Variants in SPTBN1 observed in about 807,000 individuals in gnomAD.
SPTBN1 encodes the protein spectrin beta, non-erythrocytic 1, also known as spectrin beta chain, non-erythrocytic 1.
In SPTBN1, 32 loss-of-function variants were observed where a neutral mutation model predicts 266.4. The ratio of observed to expected loss-of-function variants is 0.12; its 90% CI spans 0.09 to 0.16. SPTBN1 has a LOEUF of 0.16. Among genes scored for constraint, SPTBN1 ranks in the 10% least tolerant of loss-of-function variants. The pLI is 1.00. For missense variants in SPTBN1, 2,296 were observed against 3,067.1 expected (o/e 0.75, Z 5.94); for synonymous variants, 1,336 against 1,162.2 (o/e 1.15, Z -3.04).
chr2:54,585,689 G>C (rs1290659576), intron 2 of SPTBN1, among the ~76,000 whole-genome samples: 1 of 152,214 alleles, frequency 6.6e-6, no homozygotes, highest in Non-Finnish European at 1.5e-5. Context: ...CATGGAGTCA[G>C]AAATTACTCC....
rs906620331 is a variant in SPTBN1 at position 54,533,924 on chromosome 2, ACACG to A, written c.148+7370_148+7373del. ...CTCACACACACACACACACACACAC[ACACG>A]CACGCACGCACACAAACACACACAC... On this transcript the variant is annotated intron_variant, in intron 2 of 35. Transcript: ENST00000356805. This position sits in a 1 kb window ranked among gnomAD's most constrained non-coding sequence, Gnocchi z 4.2. 5.9e-4 allele frequency among the ~76,000 whole-genome samples: 62 copies of A among 104,934 alleles called. No homozygotes were observed. Among genetic ancestry groups the A allele is most frequent in the Middle Eastern group, 9.2e-3 (2 of 218 alleles). 68.8% of individuals were successfully genotyped at this position (104,934 alleles called of 152,430 possible).
chr2:54,466,045 C>T (rs1378948754), intron 1 of SPTBN1, among the ~76,000 whole-genome samples: 2 of 152,128 alleles, frequency 1.3e-5, no homozygotes, highest in Admixed American at 6.5e-5. Flanking sequence ...TTAAAACTGA[C>T]CCTTGTTTAT....
chr2:54,593,867 G>A (rs1002346781), intron 2 of SPTBN1, among the ~76,000 whole-genome samples: 8 of 110,286 alleles, frequency 7.3e-5, no homozygotes, highest in Admixed American at 4.2e-4. Context: ...GAGTCTTAAC[G>A]CTGTCGCCCA....
rs1241766956 is a variant in SPTBN1 at position 54,629,343 on chromosome 2, A to G, written c.2209A>G (p.Lys737Glu). 1 of 1,613,924 alleles carries G rather than the reference A, an allele frequency of 6.2e-7. No individual in the cohort carries two copies. Among genetic ancestry groups the G allele is most frequent in the Non-Finnish European group, 8.5e-7 (1 of 1,180,016 alleles). ...ANLEQLSAIR[K>E]KRLEEASLLH... ...CCTAGAGCAGCTCTCGGCCATTCGG[A>G]AGAAGCGCCTGGAGGAGGCCTCCCT... The change falls in exon 14 of 36, where the codon AAG (lysine) becomes GAG (glutamate). Residue 737 changes from lysine (K) to glutamate (E), a missense_variant. Coordinates refer to ENST00000356805, the MANE Select transcript of SPTBN1 (RefSeq NM_003128.3).
intron 2 of SPTBN1, among the ~76,000 whole-genome samples, chr2:54,551,248 A>C (rs1292321732): frequency 6.6e-6 from 1 of 152,226 alleles, no homozygotes; most frequent in Non-Finnish European, 1.5e-5. Flanking sequence ...GTTGGAGGTG[A>C]AAAGCAGAAC....
At chr2:54,468,875 T>C (rs1693775801) in intron 1 of SPTBN1, among the ~76,000 whole-genome samples, 1 of 152,228 alleles carries the variant, frequency 6.6e-6, no homozygotes, top group Non-Finnish European at 1.5e-5. Flanking sequence ...TTCAGAGTCT[T>C]TGAAATACCT....
intron 2 of SPTBN1, among the ~76,000 whole-genome samples, chr2:54,559,807 T>C (rs193205772): frequency 1.3e-5 from 2 of 152,268 alleles, no homozygotes. Flanking sequence ...GAGGACTGTG[T>C]GTTTCTTATT....
intron 31 of SPTBN1, 78 bp from the exon 32 acceptor site, chr2:54,659,858 T>C (rs1332060897): frequency 6.6e-7 from 1 of 1,523,608 alleles, no homozygotes; most frequent in African/African-American, 1.4e-5. Flanking sequence ...AGTGATGATG[T>C]TCTCCCACCC....
At chr2:54,475,725 C>T (rs1667792576) in intron 1 of SPTBN1, among the ~76,000 whole-genome samples, 1 of 152,120 alleles carries the variant, frequency 6.6e-6, no homozygotes. Flanking sequence ...CTAATTCAGA[C>T]TCATTGTTTA....
At chr2:54,658,108 CT>C in intron 30 of SPTBN1, 62 bp downstream of exon 30, 1 of 1,588,896 alleles carries the variant, frequency 6.3e-7, no homozygotes, top group Middle Eastern at 1.8e-4. Flanking sequence ...TCCTGCTTGC[CT>C]CTTAGACCAG....
At position 54,664,644 on chromosome 2, in the gene SPTBN1, C is replaced by G; in HGVS notation, c.6612C>G (p.Leu2204=). The G allele has an allele frequency of 6.2e-7, 1 of 1,614,170 alleles. No individual in the cohort carries two copies. ...CTTCGGCCCAGATGGAAGGCTTCCT[C>G]AATCGGAAACACGAGTGGGAGGCCC... ...ETPSAQMEGF[L]NRKHEWEAHN... The change falls in exon 33 of 36, where the codon CTC becomes CTG. Residue 2204 remains leucine, a synonymous_variant. Transcript: ENST00000356805. The surrounding 1 kb of genome is among the most constrained non-coding windows in gnomAD (Gnocchi z 5.6).
At chr2:54,660,931 G>A (rs1680998961) in intron 32 of SPTBN1, 3 of 985,316 alleles carry the variant, frequency 3.0e-6, no homozygotes, top group Admixed American at 1.2e-4. Context: ...TTCAGCCGAT[G>A]ACTTCAGGGT....
chr2:54,650,208 C>G (rs1680181327), intron 26 of SPTBN1, among the ~76,000 whole-genome samples: 1 of 152,204 alleles, frequency 6.6e-6, no homozygotes, highest in South Asian at 2.1e-4. Context: ...TGAGTGCCCC[C>G]ATGATTAAAA....
intron 1 of SPTBN1, among the ~76,000 whole-genome samples, chr2:54,502,033 A>G (rs1167180992): frequency 6.6e-6 from 1 of 152,256 alleles, no homozygotes; most frequent in Admixed American, 6.5e-5. Context: ...CTGTCCTGAC[A>G]GCATCACTCT....
intron 1 of SPTBN1, among the ~76,000 whole-genome samples, chr2:54,525,518 G>T (rs1333747051): frequency 6.6e-6 from 1 of 152,202 alleles, no homozygotes; most frequent in African/African-American, 2.4e-5. Context: ...AGAGGCGTGA[G>T]TCACTGTGCC....
At chr2:54,638,722 C>A (rs1262264581) in intron 18 of SPTBN1, among the ~76,000 whole-genome samples, 2 of 152,158 alleles carry the variant, frequency 1.3e-5, no homozygotes, top group Non-Finnish European at 2.9e-5. Context: ...AAATAAAAAT[C>A]CTCAGGCAAA....
intron 1 of SPTBN1, among the ~76,000 whole-genome samples, chr2:54,461,096 C>T (rs1693344381): frequency 6.6e-6 from 1 of 152,204 alleles, no homozygotes; most frequent in African/African-American, 2.4e-5. Context: ...TCCATCATCC[C>T]ATCTGAAACA....
chr2:54,509,167 A>C (rs1669726459), intron 1 of SPTBN1, among the ~76,000 whole-genome samples: 1 of 152,208 alleles, frequency 6.6e-6, no homozygotes, highest in Non-Finnish European at 1.5e-5. Context: ...GCCATCAATA[A>C]ACCAAGTGTG....
At chr2:54,529,546 G>A (rs1210841606) in intron 2 of SPTBN1, 3 of 713,410 alleles carry the variant, frequency 4.2e-6, no homozygotes, top group South Asian at 1.3e-5. Flanking sequence ...CCACCCCCAG[G>A]AGAAACAAGC....
Sources: gnomAD v4.1 joint callset for allele counts (sites outside exome capture counted in the v4.1 genomes callset) on GRCh38, gnomAD v4.1.1 for gene constraint, Gnocchi (gnomAD v3.1) non-coding constraint, MANE v1.5 for transcripts, NCBI Gene and HGNC (gene_info 2026-07-23, HGNC 2026-07-21) for gene names.